Variants in TJP2 observed in about 807,000 individuals in gnomAD.
TJP2 encodes Friedreich ataxia region gene X104 (tight junction protein ZO-2).
A neutral mutation model predicts 133.1 loss-of-function variants in TJP2; 91 were observed. The observed-to-expected ratio is 0.68, with a 90% CI of 0.58 to 0.81. TJP2 has a LOEUF of 0.81. TJP2 is among the 40% of genes least tolerant of loss of function. TJP2 has a pLI of 0.00. For missense variants in TJP2, 1,541 were observed against 1,565.6 expected (o/e 0.98, Z 0.26); for synonymous variants, 592 against 583.4 (o/e 1.01, Z -0.21).
intron 1 of TJP2, among the ~76,000 whole-genome samples, chr9:69,209,706 A>T (rs983957248): frequency 2.6e-5 from 4 of 151,054 alleles, no homozygotes; most frequent in Admixed American, 2.6e-4. Context: ...GTGAGCCCAG[A>T]TCGTGCCATT....
intron 2 of TJP2, among the ~76,000 whole-genome samples, chr9:69,161,160 G>T (rs1187165929): frequency 6.6e-6 from 1 of 152,192 alleles, no homozygotes; most frequent in African/African-American, 2.4e-5. Flanking sequence ...CATGCGTGCT[G>T]TGTCGGAGGG....
chr9:69,240,363 T>C (rs1588140692), intron 17 of TJP2, among the ~76,000 whole-genome samples: 1 of 152,146 alleles, frequency 6.6e-6, no homozygotes. Flanking sequence ...TAAAGATCCA[T>C]GATGTGGTAA....
upstream of TJP2, among the ~76,000 whole-genome samples, chr9:69,169,378 G>GTTTC (rs1157055036): frequency 6.1e-5 from 9 of 147,710 alleles, no homozygotes; most frequent in African/African-American, 2.3e-4. Flanking sequence ...TTGGGGGGGG[G>GTTTC]ATGGAGTTTC....
chr9:69,169,482 C>A (rs527937307), upstream of TJP2, among the ~76,000 whole-genome samples: 42 of 152,066 alleles, frequency 2.8e-4, no homozygotes, highest in South Asian at 8.7e-3. Flanking sequence ...CCTCAGTCTC[C>A]CAAGTAGCTG....
intron 2 of TJP2, chr9:69,151,856 A>T: frequency 8.3e-7 from 1 of 1,206,578 alleles, no homozygotes; most frequent in Non-Finnish European, 1.0e-6. Context: ...CACATTCTAG[A>T]GGTAGTCAGA....
At chr9:69,217,657 TC>T (rs1828491776) in intron 3 of TJP2, among the ~76,000 whole-genome samples, 1 of 152,276 alleles carries the variant, frequency 6.6e-6, no homozygotes, top group East Asian at 1.9e-4. Context: ...CTGCAGTCCT[TC>T]CTGGGTGAGA....
At chr9:69,128,593 T>C (rs1822353819) in intron 1 of TJP2, among the ~76,000 whole-genome samples, 1 of 151,530 alleles carries the variant, frequency 6.6e-6, no homozygotes, top group Admixed American at 6.6e-5. Flanking sequence ...AGTGATCTCG[T>C]TTCACTACAA....
intron 1 of TJP2, among the ~76,000 whole-genome samples, chr9:69,202,285 C>T (rs906796100): frequency 6.6e-6 from 1 of 152,118 alleles, no homozygotes; most frequent in African/African-American, 2.4e-5. Context: ...TGTAAGAGCA[C>T]AAATCCCATT....
intron 1 of TJP2, among the ~76,000 whole-genome samples, chr9:69,204,150 G>A (rs1039206949): frequency 6.6e-6 from 1 of 152,162 alleles, no homozygotes; most frequent in Non-Finnish European, 1.5e-5. Flanking sequence ...ACAGCTAAGT[G>A]ACAGGACAAG....
Position 69,153,467 on chromosome 9 carries a change from C to G in TJP2, c.-10+1696C>G, listed in dbSNP as rs572967932. Reference sequence around the variant, plus strand: ...GGCGTGGTGGTGCCTGCCAGTAATCCCAGCTACTCGGGAGGCTGAGGCACG... The same window carrying G: ...GGCGTGGTGGTGCCTGCCAGTAATCGCAGCTACTCGGGAGGCTGAGGCACG... On this transcript the variant is annotated intron_variant, in intron 2 of 5. Transcript: ENST00000423935. Among the ~76,000 whole-genome samples, 19 of 152,182 alleles carry G rather than the reference C, an allele frequency of 1.2e-4. No individual in the cohort carries two copies. In the South Asian group the frequency reaches 3.9e-3, roughly 32 times the overall value.
intron 19 of TJP2, 106 bp downstream of exon 19, chr9:69,248,330 T>C: frequency 6.8e-7 from 1 of 1,471,488 alleles, no homozygotes; most frequent in Non-Finnish European, 9.0e-7. Context: ...TTCCTAAGGG[T>C]TGGAGCAGAT....
chr9:69,153,096 G>C (rs182427525), intron 2 of TJP2, among the ~76,000 whole-genome samples: 56 of 152,100 alleles, frequency 3.7e-4, no homozygotes, highest in Middle Eastern at 6.8e-3. Flanking sequence ...TGCTGGGCAT[G>C]GTGGTGTGCT....
rs973225390 is a variant in TJP2, at chr9:69,248,584, C to G, written c.2880+360C>G. The G allele has an allele frequency of 9.3e-5, 110 of 1,184,208 alleles. No homozygotes were observed. In the African/African-American group the frequency reaches 1.5e-3, roughly 16 times the overall value. The allele number at this position is 1,184,208 out of a possible 1,614,324, so 73.4% of individuals were successfully genotyped here. The stretch of plus-strand genomic sequence containing the variant: ...ACCTTTGATTAGGTTTCTCTCTGTA[C>G]TCTTAGATGTCCTTGCTTTTCTTCC... On this transcript the variant is annotated intron_variant, in intron 19 of 22. Coordinates refer to ENST00000377245, the MANE Select transcript of TJP2 (RefSeq NM_004817.4).
At chr9:69,121,892 GC>G (rs1467608753) in intron 1 of TJP2, 11 of 152,748 alleles carry the variant, frequency 7.2e-5, no homozygotes, top group Admixed American at 5.2e-4. Context: ...TCGCGCTGGT[GC>G]CCTGGGTCGT....
chr9:69,207,556 C>T (rs9410789), intron 1 of TJP2, among the ~76,000 whole-genome samples: 77,320 of 152,016 alleles, frequency 0.51, 20,147 homozygotes, highest in East Asian at 0.63. Flanking sequence ...ACGGTTCTCC[C>T]GGTGCCTCTG....
Position 69,151,420 on chromosome 9 carries a change from C to T in TJP2, c.-130-231C>T, listed in dbSNP as rs528181991. Among the ~76,000 whole-genome samples, 3 of 147,166 alleles carry T rather than the reference C, an allele frequency of 2.0e-5. No homozygotes were observed. In the East Asian group the frequency reaches 6.0e-4, roughly 29 times the overall value. Reference sequence around the variant, plus strand: ...TGCTTGAACCAGCAGGCAGAGGTTGCGGTGAGCCGATATCACACCATTGCA... The same window carrying T: ...TGCTTGAACCAGCAGGCAGAGGTTGTGGTGAGCCGATATCACACCATTGCA... On this transcript the variant is annotated intron_variant, in intron 1 of 5. Coordinates refer to the TJP2 transcript ENST00000423935.
intron 1 of TJP2, among the ~76,000 whole-genome samples, chr9:69,207,306 C>T (rs1041967162): frequency 2.6e-5 from 4 of 152,216 alleles, no homozygotes; most frequent in African/African-American, 4.8e-5. Context: ...AATGGTATCA[C>T]ACTCTACAAA....
At chr9:69,158,977 T>C (rs1370021477) in intron 2 of TJP2, among the ~76,000 whole-genome samples, 1 of 149,192 alleles carries the variant, frequency 6.7e-6, no homozygotes, top group Non-Finnish European at 1.5e-5. Flanking sequence ...TGGGCAGGAT[T>C]CACCGCCCCC....
intron 4 of TJP2, among the ~76,000 whole-genome samples, chr9:69,218,842 C>A (rs951707108): frequency 6.6e-6 from 1 of 152,170 alleles, no homozygotes. Context: ...TGGGGCCAAT[C>A]TGTGTTGCAA....
Sources: gnomAD v4.1 joint callset for allele counts (sites outside exome capture counted in the v4.1 genomes callset) on GRCh38, gnomAD v4.1.1 for gene constraint, MANE v1.5 for transcripts, NCBI Gene and HGNC (gene_info 2026-07-23, HGNC 2026-07-21) for gene names.